The following SGK3 variants were observed in gnomAD, a reference collection of about 807,000 sequenced individuals.
SGK3 encodes the protein serine/threonine-protein kinase Sgk3.
SGK3 carries 47 observed loss-of-function variants against 68.5 expected under a neutral mutation model. The ratio of observed to expected loss-of-function variants is 0.69; its 90% CI spans 0.54 to 0.87. The LOEUF (loss-of-function observed/expected upper bound fraction) is 0.87. Among genes scored for constraint, SGK3 ranks in the 40% least tolerant of loss-of-function variants. The pLI is 0.00. For synonymous variants in SGK3, 181 were observed against 189.1 expected, an observed-to-expected ratio of 0.96 and a Z score of 0.35; for missense variants, 479 against 575.5, an observed-to-expected ratio of 0.83 and a Z score of 1.72.
chr8:66,812,641 A>G (rs1324012722), intron 4 of SGK3, among the ~76,000 whole-genome samples: 2 of 152,160 alleles, frequency 1.3e-5, no homozygotes, highest in Admixed American at 1.3e-4. Flanking sequence ...CAAAAGTAAT[A>G]GTATCTAATG....
At chr8:66,739,060 G>A (rs1805407655) in intron 1 of SGK3, among the ~76,000 whole-genome samples, 1 of 152,142 alleles carries the variant, frequency 6.6e-6, no homozygotes, top group African/African-American at 2.4e-5. Flanking sequence ...TATCTTAACA[G>A]ATTACTGTAG....
chr8:66,771,398 T>G (rs987601522), intron 1 of SGK3, among the ~76,000 whole-genome samples: 1 of 152,238 alleles, frequency 6.6e-6, no homozygotes, highest in East Asian at 1.9e-4. Context: ...ATTGATAGAT[T>G]GCAAATCAGT....
At chr8:66,729,735 T>TTATTTATATTTATTTA (rs149985419) in intron 1 of SGK3, among the ~76,000 whole-genome samples, 4,370 of 150,982 alleles carry the variant, frequency 0.029, 239 homozygotes, top group African/African-American at 0.099. Flanking sequence ...ATTTATTTAT[T>TTATTTATATTTATTTA]TTTATTTATT....
At chr8:66,784,952 C>A (rs145037196) in intron 1 of SGK3, among the ~76,000 whole-genome samples, 3 of 152,198 alleles carry the variant, frequency 2.0e-5, no homozygotes, top group Non-Finnish European at 4.4e-5. Flanking sequence ...TCATAATTAG[C>A]CCTTGGTTGT....
intron 2 of SGK3, among the ~76,000 whole-genome samples, chr8:66,797,707 A>G (rs1275084500): frequency 6.6e-6 from 1 of 152,226 alleles, no homozygotes; most frequent in Non-Finnish European, 1.5e-5. Context: ...AGAACTAACA[A>G]TTGAAGGTTT....
chr8:66,850,664 T>C (rs1563660379), intron 15 of SGK3, among the ~76,000 whole-genome samples, 167 bp from the exon 16 acceptor site: 1 of 152,356 alleles, frequency 6.6e-6, no homozygotes, highest in South Asian at 2.1e-4. Flanking sequence ...TCAGTCTTTC[T>C]ATTGCTTACA....
At chr8:66,760,424 T>A (rs1376365641) in intron 1 of SGK3, among the ~76,000 whole-genome samples, 1 of 144,868 alleles carries the variant, frequency 6.9e-6, no homozygotes, top group Non-Finnish European at 1.5e-5. Context: ...AAGCTCTGCC[T>A]CCCGGGTTCA....
At chr8:66,775,835 C>G (rs1806686533) in intron 1 of SGK3, among the ~76,000 whole-genome samples, 1 of 151,314 alleles carries the variant, frequency 6.6e-6, no homozygotes, top group African/African-American at 2.5e-5. Context: ...AGATGAAGCA[C>G]GCAGACTTCG....
At position 66,859,498 on chromosome 8, in the gene SGK3, A is replaced by G. The variant is rs202151244; in HGVS notation, c.1408A>G (p.Ile470Val). ...YSVCVSSDYS[I>V]VNASVLEADD... is the part of the protein sequence containing the mutation. ...TGTGTGTGTATCTTCTGACTATTCT[A>G]TAGTGAATGCCAGTGTATTGGAGGC... The change falls in exon 17 of 17, where the codon ATA (isoleucine) becomes GTA (valine). Residue 470 changes from isoleucine to valine, a missense_variant. Ile to Val is a conservative substitution (Grantham distance 29, BLOSUM62 3). Transcript: ENST00000521198. The G allele has an allele frequency of 6.6e-5, 106 of 1,613,894 alleles. No homozygotes were observed. Among genetic ancestry groups the G allele is most frequent in the Non-Finnish European group, 8.0e-5 (94 of 1,179,848 alleles).
chr8:66,809,680 G>C (rs1040771981), intron 4 of SGK3, among the ~76,000 whole-genome samples: 1 of 152,208 alleles, frequency 6.6e-6, no homozygotes, highest in African/African-American at 2.4e-5. Context: ...AAGAGATAAT[G>C]TTGGAAAATA....
chr8:66,725,811 A>T (rs1294302095), intron 1 of SGK3, among the ~76,000 whole-genome samples: 1 of 152,096 alleles, frequency 6.6e-6, no homozygotes, highest in African/African-American at 2.4e-5. Context: ...ACCTTAAATT[A>T]TTGCTGGCTT....
Position 66,826,636 on chromosome 8 carries a change from C to CTTTATTTTAT in SGK3, c.418-1999_418-1990dup, listed in dbSNP as rs567720764. On this transcript the variant is annotated intron_variant, in intron 6 of 16. Coordinates refer to ENST00000521198, the MANE Select transcript of SGK3 (RefSeq NM_001033578.3). ...AATGTTGTTTTTTCATGAGAAACTT[C>CTTTATTTTAT]TTTATTTTATTTTATTTTATTTTAT... Among the ~76,000 whole-genome samples, 240 of 151,874 alleles carry CTTTATTTTAT rather than the reference C, an allele frequency of 1.6e-3. 2 individuals carry two copies. The highest frequency in any genetic ancestry group is 5.7e-3 in the African/African-American group (234 of 41,288).
chr8:66,784,460 T>C (rs1294604014), intron 1 of SGK3, among the ~76,000 whole-genome samples: 1 of 152,212 alleles, frequency 6.6e-6, no homozygotes, highest in Non-Finnish European at 1.5e-5. Context: ...TGAGTGTATC[T>C]ACCTTCTAAT....
intron 1 of SGK3, among the ~76,000 whole-genome samples, chr8:66,741,811 G>C (rs1049851046): frequency 5.3e-5 from 8 of 152,224 alleles, no homozygotes; most frequent in African/African-American, 1.9e-4. Flanking sequence ...GATAGGCACA[G>C]TACCAGTAGA....
chr8:66,767,403 A>G (rs765614454), intron 1 of SGK3: 1 of 1,277,474 alleles, frequency 7.8e-7, no homozygotes, highest in Non-Finnish European at 1.1e-6. Flanking sequence ...AAATTTAAAT[A>G]TCTATGTCAG....
chr8:66,816,538 A>T (rs1347799901), intron 5 of SGK3, among the ~76,000 whole-genome samples: 2 of 149,648 alleles, frequency 1.3e-5, no homozygotes, highest in Non-Finnish European at 3.0e-5. Context: ...TAGAGACGGG[A>T]TTTCACCATG....
chr8:66,798,733 C>A, intron 3 of SGK3, 108 bp downstream of exon 3: 2 of 882,680 alleles, frequency 2.3e-6, no homozygotes, highest in Non-Finnish European at 3.3e-6. Flanking sequence ...GTTAATATGT[C>A]AGACAGGCAG....
chr8:66,718,154 T>C (rs958756440), intron 1 of SGK3, among the ~76,000 whole-genome samples: 2 of 151,844 alleles, frequency 1.3e-5, no homozygotes, highest in Non-Finnish European at 2.9e-5. Flanking sequence ...GCCTCCGAAG[T>C]AGCTGGGACT....
chr8:66,818,126 C>T (rs1317684111), intron 5 of SGK3, among the ~76,000 whole-genome samples: 1 of 151,716 alleles, frequency 6.6e-6, no homozygotes, highest in Non-Finnish European at 1.5e-5. Context: ...TCTAAAACAG[C>T]AAAAGCAAAA....
Sources: gnomAD v4.1 joint callset for allele counts (sites outside exome capture counted in the v4.1 genomes callset) on GRCh38, gnomAD v4.1.1 for gene constraint, MANE v1.5 for transcripts, NCBI Gene and HGNC (gene_info 2026-07-23, HGNC 2026-07-21) for gene names.